Variants in PAMR1 observed in about 807,000 individuals in gnomAD.
The protein encoded by PAMR1 is inactive serine protease PAMR1.
In PAMR1, 88 loss-of-function variants were observed where a neutral mutation model predicts 81.8. The observed-to-expected ratio is 1.08, with a 90% CI of 0.91 to 1.28. The LOEUF is 1.28. PAMR1 is among the 50% of genes most tolerant of loss of function. The pLI is 0.00. For synonymous variants in PAMR1, 336 were observed against 345.3 expected (o/e 0.97, Z 0.30); for missense variants, 935 against 919.7 (o/e 1.02, Z -0.21).
In PAMR1 at chr11:35,432,646, C is replaced by T. The variant is rs755000531; in HGVS notation, c.1873G>A (p.Val625Met). ...DTLRSGVVSVVDSLLCEEQHE... is the reference protein window; with the variant it reads ...DTLRSGVVSVMDSLLCEEQHE... ...TGCTCCTCACACAGCAGCGAGTCCA[C>T]CACACTGACCACCCCAGAGCGCAGT... is the stretch of plus-strand genomic sequence containing the variant. Residue 625 changes from valine to methionine, a missense_variant, in exon 11 of 11, where the codon GTG (valine) becomes ATG (methionine). Physicochemically the swap from Val to Met is conservative, Grantham distance 21. Transcript: ENST00000619888. The T allele has an allele frequency of 6.2e-7, 1 of 1,613,904 alleles. No homozygotes were observed. The highest frequency in any genetic ancestry group is 8.5e-7 in the Non-Finnish European group (1 of 1,179,916).
chr11:35,527,647 T>A (rs1329070021), upstream of PAMR1, among the ~76,000 whole-genome samples: 2 of 152,194 alleles, frequency 1.3e-5, no homozygotes, highest in African/African-American at 4.8e-5. Flanking sequence ...GGGAAGAAGA[T>A]GACTTAGTTC....
intron 1 of PAMR1, 88 bp downstream of exon 1, chr11:35,525,425 C>T (rs1851367483): frequency 9.2e-7 from 1 of 1,092,430 alleles, no homozygotes; most frequent in Non-Finnish European, 1.4e-6. Flanking sequence ...TCCTGAGACT[C>T]CCAGTCCTGC....
chr11:35,474,834 C>G (rs1850257917), intron 3 of PAMR1, 90 bp from the exon 4 acceptor site: 2 of 785,294 alleles, frequency 2.5e-6, no homozygotes, highest in African/African-American at 3.5e-5. Flanking sequence ...GAGCACATGC[C>G]ACACCCCTGA....
At chr11:35,504,632 T>C (rs1336362582) in intron 1 of PAMR1, among the ~76,000 whole-genome samples, 1 of 152,256 alleles carries the variant, frequency 6.6e-6, no homozygotes, top group South Asian at 2.1e-4. Context: ...CCCAGGAATT[T>C]ATCCATTTCT....
At chr11:35,448,615 A>G (rs1856345528) in intron 6 of PAMR1, among the ~76,000 whole-genome samples, 1 of 152,160 alleles carries the variant, frequency 6.6e-6, no homozygotes, top group South Asian at 2.1e-4. Context: ...GTTCATTATT[A>G]CTTACCTTTT....
At chr11:35,525,868 G>C (rs975849209), upstream of PAMR1, 4 of 533,334 alleles carry the variant, frequency 7.5e-6, no homozygotes, top group Non-Finnish European at 1.0e-5. Flanking sequence ...GAAGCTGCGG[G>C]GGAGGGAGGC....
intron 6 of PAMR1, among the ~76,000 whole-genome samples, chr11:35,444,875 AG>A (rs1856257787): frequency 6.6e-6 from 1 of 152,230 alleles, no homozygotes; most frequent in Non-Finnish European, 1.5e-5. Flanking sequence ...AATTCTGTGA[AG>A]AATGTCAATG....
chr11:35,432,855 A>T lies in PAMR1; in HGVS notation c.1664T>A (p.Ile555Asn). 6.3e-7 allele frequency: 1 copy of T among 1,596,726 alleles called. No individual in the cohort carries two copies. ...AIILHPNYDPILLDADIAILK... is the reference protein window; with the variant it reads ...AIILHPNYDPNLLDADIAILK... ...GATGGCGATGTCAGCATCAAGCAGG[A>T]TGGGGTCATAGTTGGGATGCAGAAT... is the stretch of plus-strand genomic sequence containing the variant. The change falls in exon 11 of 11, where the codon ATC (isoleucine) becomes AAC (asparagine). Residue 555 changes from isoleucine (I) to asparagine (N), a missense_variant. Physicochemically the swap from Ile to Asn is moderately radical, Grantham distance 149. Coordinates refer to ENST00000619888, the MANE Select transcript of PAMR1 (RefSeq NM_001001991.3).
Position 35,486,780 on chromosome 11 carries a change from G to A in PAMR1, c.379+5265C>T, listed in dbSNP as rs1335081102. Among the ~76,000 whole-genome samples, 9 of 152,290 alleles carry A rather than the reference G, an allele frequency of 5.9e-5. No homozygotes were observed. The South Asian group carries it at 1.5e-3, about 25-fold the overall frequency. ...TATCCTTGTTTTGTTACCATTTGCT[G>A]TATTGACTTCTTGCATGCAAATATT... is the stretch of plus-strand genomic sequence containing the variant. On this transcript the variant is annotated intron_variant, in intron 3 of 10. Coordinates refer to ENST00000619888, the MANE Select transcript of PAMR1 (RefSeq NM_001001991.3).
chr11:35,458,236 T>G (rs181270410), intron 6 of PAMR1, among the ~76,000 whole-genome samples: 12 of 152,340 alleles, frequency 7.9e-5, no homozygotes, highest in Non-Finnish European at 1.6e-4. Context: ...GATGTTAGAA[T>G]AAAATCAGCA....
rs756544365 is a variant in PAMR1 at position 35,474,763 on chromosome 11, A to G, written c.380-19T>C. The G allele has an allele frequency of 4.5e-6, 7 of 1,557,676 alleles. No individual in the cohort carries two copies. The East Asian group carries it at 1.4e-4, about 30-fold the overall frequency. On this transcript the variant is annotated intron_variant, in intron 3 of 10. Transcript: ENST00000619888. ...CCACATCCTAAGAAAAGAAGAAAAG[A>G]TTGGGACATAAAAATGGAGGTCAAT...
chr11:35,452,293 TA>T (rs1401335176), intron 6 of PAMR1, among the ~76,000 whole-genome samples: 1 of 151,558 alleles, frequency 6.6e-6, no homozygotes. Flanking sequence ...AAAGATGGCT[TA>T]AAAAAACTCA....
chr11:35,484,366 T>G (rs2135392291), intron 3 of PAMR1, among the ~76,000 whole-genome samples: 1 of 152,294 alleles, frequency 6.6e-6, no homozygotes, highest in African/African-American at 2.4e-5. Context: ...GACCTGAGCA[T>G]TGTTCTTTTT....
Position 35,524,369 on chromosome 11 carries a change from G to A in PAMR1, c.73+1144C>T, listed in dbSNP as rs953168966. ...TATTGACCAAAATGAAGGGCAGGGG[G>A]GTTTGTGTATCTCAGCTTTTCGTTG... On this transcript the variant is annotated intron_variant, in intron 1 of 10. Transcript: ENST00000619888. Among the ~76,000 whole-genome samples, 15 of 152,158 alleles carry A rather than the reference G, an allele frequency of 9.9e-5. 1 individual carries two copies. The highest frequency in any genetic ancestry group is 7.2e-4 in the Admixed American group (11 of 15,280).
At chr11:35,476,953 T>G (rs1156950909) in intron 3 of PAMR1, among the ~76,000 whole-genome samples, 1 of 152,108 alleles carries the variant, frequency 6.6e-6, no homozygotes, top group Non-Finnish European at 1.5e-5. Flanking sequence ...CTTCTGCATC[T>G]CTTTCCTGTA....
intron 2 of PAMR1, 94 bp from the exon 3 acceptor site, chr11:35,492,267 G>A: frequency 7.3e-7 from 1 of 1,370,630 alleles, no homozygotes; most frequent in Non-Finnish European, 1.0e-6. Context: ...TCAGGGCCCT[G>A]TCTCAACTAA....
At chr11:35,448,121 T>C (rs927227186) in intron 6 of PAMR1, among the ~76,000 whole-genome samples, 3 of 152,192 alleles carry the variant, frequency 2.0e-5, no homozygotes, top group Non-Finnish European at 2.9e-5. Context: ...TTATGTGTCT[T>C]GGAGTTGACA....
chr11:35,478,628 G>T (rs1450263467), intron 3 of PAMR1, among the ~76,000 whole-genome samples: 1 of 152,196 alleles, frequency 6.6e-6, no homozygotes, highest in Non-Finnish European at 1.5e-5. Flanking sequence ...AGCTGGCGAG[G>T]CTGGGTGCAG....
intron 7 of PAMR1, 101 bp downstream of exon 7, chr11:35,441,380 G>C: frequency 1.3e-6 from 1 of 797,982 alleles, no homozygotes; most frequent in Non-Finnish European, 2.1e-6. Flanking sequence ...ACTTAAAAGA[G>C]AAAGGCATTT....
Sources: allele counts gnomAD v4.1 joint callset (sites outside exome capture counted in the v4.1 genomes callset), GRCh38; gene constraint gnomAD v4.1.1; transcripts MANE v1.5; gene names NCBI Gene and HGNC (gene_info 2026-07-23, HGNC 2026-07-21).